RGS7: variants seen among roughly 807,000 people sequenced by gnomAD.
The protein encoded by RGS7 is regulator of G-protein signaling 7.
A neutral mutation model predicts 81.1 loss-of-function variants in RGS7; 27 were observed. The ratio of observed to expected loss-of-function variants is 0.33; its 90% CI spans 0.25 to 0.46. The LOEUF (loss-of-function observed/expected upper bound fraction) is 0.46. RGS7 is among the 20% of genes least tolerant of loss of function. The pLI, the probability that RGS7 is intolerant of heterozygous loss-of-function variation, is 1.00. For missense variants in RGS7, 396 were observed against 607.4 expected, an observed-to-expected ratio of 0.65 and a Z score of 3.66; for synonymous variants, 208 against 207.7, an observed-to-expected ratio of 1.00 and a Z score of -0.01.
intron 6 of RGS7, among the ~76,000 whole-genome samples, chr1:240,888,067 A>G (rs758209030): frequency 5.3e-5 from 8 of 152,170 alleles, no homozygotes; most frequent in Non-Finnish European, 7.3e-5. Context: ...CAAAGCTTCT[A>G]TCCTCAATGA....
At chr1:241,082,098 G>A (rs2063167926) in intron 3 of RGS7, among the ~76,000 whole-genome samples, 1 of 152,140 alleles carries the variant, frequency 6.6e-6, no homozygotes, top group African/African-American at 2.4e-5. Context: ...GAAGACAAAG[G>A]GTCCAGCTAA....
chr1:241,004,749 T>C (rs554779430), intron 3 of RGS7, among the ~76,000 whole-genome samples: 6 of 152,278 alleles, frequency 3.9e-5, no homozygotes, highest in African/African-American at 1.4e-4. Flanking sequence ...TCCTTCCTTC[T>C]GGGTATGGGG....
At chr1:240,792,323 G>A (rs1459173623) in intron 18 of RGS7, among the ~76,000 whole-genome samples, 3 of 152,102 alleles carry the variant, frequency 2.0e-5, no homozygotes, top group Admixed American at 2.0e-4. Flanking sequence ...ATCATCTAAT[G>A]TGCAGATGAC....
At chr1:241,301,718 T>A (rs1468690494) in intron 2 of RGS7, among the ~76,000 whole-genome samples, 2 of 152,246 alleles carry the variant, frequency 1.3e-5, no homozygotes, top group African/African-American at 2.4e-5. Context: ...TTGAAACTTA[T>A]CAATTTTAAG....
At chr1:240,814,007 T>C (rs868263603) in intron 12 of RGS7, among the ~76,000 whole-genome samples, 9 of 152,328 alleles carry the variant, frequency 5.9e-5, no homozygotes, top group Middle Eastern at 3.4e-3. Flanking sequence ...GAGGTCAGTG[T>C]GTGAAGGGCA....
At chr1:241,175,272 G>T (rs1014161276) in intron 2 of RGS7, among the ~76,000 whole-genome samples, 1 of 152,146 alleles carries the variant, frequency 6.6e-6, no homozygotes, top group Admixed American at 6.5e-5. Flanking sequence ...CACATTGGAA[G>T]CTATAACATT....
intron 2 of RGS7, among the ~76,000 whole-genome samples, chr1:241,235,597 CTTTA>C (rs1464731944): frequency 2.0e-5 from 2 of 98,708 alleles, no homozygotes; most frequent in Non-Finnish European, 4.4e-5. Flanking sequence ...TTCTTTCTTC[CTTTA>C]TTTTTCTTTC....
At chr1:240,904,870 T>C (rs1428598281) in intron 6 of RGS7, among the ~76,000 whole-genome samples, 1 of 152,192 alleles carries the variant, frequency 6.6e-6, no homozygotes, top group African/African-American at 2.4e-5. Context: ...TCATAATGCA[T>C]GGTATTTTCA....
intron 3 of RGS7, among the ~76,000 whole-genome samples, chr1:241,040,477 C>T (rs1250635891): frequency 2.0e-5 from 3 of 148,768 alleles, no homozygotes; most frequent in Non-Finnish European, 1.5e-5. Flanking sequence ...TTTTACTTTT[C>T]TTTTTATTTA....
At chr1:240,839,605 A>G (rs1695275476) in intron 9 of RGS7, among the ~76,000 whole-genome samples, 1 of 152,138 alleles carries the variant, frequency 6.6e-6, no homozygotes. Context: ...GCATACTGAG[A>G]GCTAGAAATT....
intron 15 of RGS7, among the ~76,000 whole-genome samples, chr1:240,804,466 A>C (rs1346096243): frequency 6.6e-6 from 1 of 152,146 alleles, no homozygotes; most frequent in Non-Finnish European, 1.5e-5. Context: ...AACCACAAAA[A>C]AAACTAGAAT....
intron 9 of RGS7, among the ~76,000 whole-genome samples, chr1:240,862,701 T>G (rs940959176): frequency 1.3e-5 from 2 of 152,146 alleles, no homozygotes; most frequent in African/African-American, 2.4e-5. Flanking sequence ...GCAAATCGAT[T>G]CAGGAAAATA....
chr1:241,126,897 T>C (rs535067517), intron 2 of RGS7, among the ~76,000 whole-genome samples: 3 of 152,074 alleles, frequency 2.0e-5, no homozygotes, highest in African/African-American at 7.2e-5. Context: ...AAACCTAATA[T>C]ATCACCATAC....
At chr1:241,013,803 C>G (rs2059093263) in intron 3 of RGS7, among the ~76,000 whole-genome samples, 1 of 152,200 alleles carries the variant, frequency 6.6e-6, no homozygotes, top group South Asian at 2.1e-4. Context: ...TCTCCATTGT[C>G]TTAGTGTTAG....
At chr1:240,960,086 T>C (rs1024351496) in intron 4 of RGS7, among the ~76,000 whole-genome samples, 3 of 151,572 alleles carry the variant, frequency 2.0e-5, no homozygotes, top group Admixed American at 6.6e-5. Flanking sequence ...GAGGTGAAGA[T>C]TGCAGTGAGC....
chr1:241,295,963 A>G (rs551315428), intron 2 of RGS7, among the ~76,000 whole-genome samples: 1 of 152,342 alleles, frequency 6.6e-6, no homozygotes, highest in South Asian at 2.1e-4. Context: ...TCAGAGATCA[A>G]TATTAGTCAC....
intron 2 of RGS7, among the ~76,000 whole-genome samples, chr1:241,191,461 C>G (rs1453765533): frequency 6.6e-6 from 1 of 151,964 alleles, no homozygotes; most frequent in Non-Finnish European, 1.5e-5. Flanking sequence ...AGAAGAAATC[C>G]CACTTTGATT....
chr1:240,970,214 C>T (rs1682975196), intron 4 of RGS7, among the ~76,000 whole-genome samples: 1 of 152,142 alleles, frequency 6.6e-6, no homozygotes, highest in African/African-American at 2.4e-5. Context: ...TGAAGGCAGC[C>T]AGAAACTCAA....
intron 2 of RGS7, among the ~76,000 whole-genome samples, chr1:241,332,758 T>C (rs2082039329): frequency 6.6e-6 from 1 of 152,236 alleles, no homozygotes; most frequent in Non-Finnish European, 1.5e-5. Context: ...TCACCTTCTT[T>C]GGCGAGTTTA....
Sources: gnomAD v4.1 joint callset for allele counts (sites outside exome capture counted in the v4.1 genomes callset) on GRCh38, gnomAD v4.1.1 for gene constraint, MANE v1.5 for transcripts, NCBI Gene and HGNC (gene_info 2026-07-23, HGNC 2026-07-21) for gene names.